STK32A: variants seen among roughly 807,000 people sequenced by gnomAD.
STK32A encodes the protein serine/threonine-protein kinase 32A.
A neutral mutation model predicts 53.2 loss-of-function variants in STK32A; 41 were observed. The observed-to-expected ratio is 0.77, with a 90% CI of 0.60 to 1.00. The LOEUF (loss-of-function observed/expected upper bound fraction) is 1.00, where lower values mean the gene tolerates loss of function less well. Among genes scored for constraint, STK32A ranks in the 50% least tolerant of loss-of-function variants. The probability of loss-of-function intolerance (pLI) is 0.00; values close to 1 mark genes in which losing one functional copy is unlikely to be tolerated. For missense variants in STK32A, 458 were observed against 485.8 expected (o/e 0.94, Z 0.54); for synonymous variants, 166 against 162.8 (o/e 1.02, Z -0.15).
Position 147,351,069 on chromosome 5 carries a change from C to T in STK32A, c.477C>T (p.His159=), listed in dbSNP as rs376422055. ...GTGGTTCTTCTCTCTCTGCAGGGCA[C>T]GTGCACATCACAGATTTCAACATTG... The part of the protein sequence containing the change: ...PDNILLDEHG[H]VHITDFNIAA... The change falls in exon 7 of 13, where the codon CAC becomes CAT. Residue 159 remains histidine, a synonymous_variant. Coordinates refer to ENST00000397936, the MANE Select transcript of STK32A (RefSeq NM_001112724.2). 9.0e-5 allele frequency: 146 copies of T among 1,613,560 alleles called. No homozygotes were observed. The highest frequency in any genetic ancestry group is 1.1e-4 in the Non-Finnish European group (135 of 1,179,670).
At chr5:147,390,832 T>C (rs1198706018), downstream of STK32A, 1 of 152,668 alleles carries the variant, frequency 6.6e-6, no homozygotes, top group Non-Finnish European at 1.5e-5. Flanking sequence ...GTTATTTTAA[T>C]AACCAGGTTT....
At chr5:147,271,591 C>T (rs1042876092) in intron 2 of STK32A, among the ~76,000 whole-genome samples, 3 of 152,142 alleles carry the variant, frequency 2.0e-5, no homozygotes, top group African/African-American at 7.2e-5. Context: ...TCGCTGAATT[C>T]TTTTTCTCAG....
intron 4 of STK32A, among the ~76,000 whole-genome samples, chr5:147,280,133 C>T (rs1295585535): frequency 6.6e-6 from 1 of 152,056 alleles, no homozygotes; most frequent in African/African-American, 2.4e-5. Context: ...CACAAGCAGG[C>T]CATTCCTGCC....
chr5:147,375,892 G>T (rs1199831053), intron 11 of STK32A: 2 of 152,126 alleles, frequency 1.3e-5, no homozygotes, highest in African/African-American at 4.8e-5. Flanking sequence ...TAATGATGAT[G>T]AAGTAATAAA....
At chr5:147,346,486 A>G (rs1367624726) in intron 6 of STK32A, among the ~76,000 whole-genome samples, 4 of 152,218 alleles carry the variant, frequency 2.6e-5, no homozygotes, top group Admixed American at 2.0e-4. Context: ...ATTCATCTGA[A>G]AAGATTGACA....
At chr5:147,393,743 C>T in the STK32A span, 2 of 386,770 alleles carry the variant, frequency 5.2e-6, no homozygotes, top group South Asian at 5.7e-5. Flanking sequence ...TACACACGCT[C>T]TCAACACTAT....
intron 8 of STK32A, among the ~76,000 whole-genome samples, chr5:147,368,195 G>A (rs1249846754): frequency 3.3e-5 from 5 of 152,232 alleles, no homozygotes; most frequent in African/African-American, 1.2e-4. Context: ...ATCCAAAAGT[G>A]TTAACTTAGG....
At chr5:147,341,650 ATT>A (rs375663498) in intron 5 of STK32A, among the ~76,000 whole-genome samples, 1 of 148,196 alleles carries the variant, frequency 6.7e-6, no homozygotes. Flanking sequence ...CCTGGCAAGA[ATT>A]TTTTTTTTTA....
At chr5:147,296,702 C>T (rs1028284768) in intron 4 of STK32A, among the ~76,000 whole-genome samples, 6 of 151,930 alleles carry the variant, frequency 3.9e-5, no homozygotes, top group Non-Finnish European at 7.4e-5. Flanking sequence ...CTTTTCCTGG[C>T]GCCGGCTGCA....
intron 11 of STK32A, among the ~76,000 whole-genome samples, chr5:147,376,409 T>G (rs1356037469): frequency 2.0e-5 from 3 of 152,094 alleles, no homozygotes; most frequent in Non-Finnish European, 4.4e-5. Flanking sequence ...CCAGACTTGC[T>G]CCTTCCCCTG....
chr5:147,325,677 T>C (rs1050618886), intron 5 of STK32A, among the ~76,000 whole-genome samples: 9 of 152,190 alleles, frequency 5.9e-5, no homozygotes, highest in Non-Finnish European at 1.3e-4. Flanking sequence ...GACCAGTTAA[T>C]TACGTAGGAT....
intron 4 of STK32A, among the ~76,000 whole-genome samples, chr5:147,288,462 A>G (rs1268811538): frequency 6.6e-6 from 1 of 152,164 alleles, no homozygotes; most frequent in African/African-American, 2.4e-5. Context: ...GAAATACCTG[A>G]GACTGGGTAA....
chr5:147,292,766 C>A lies in STK32A; in HGVS notation c.260+13368C>A, dbSNP rs190967120. 5.9e-3 allele frequency among the ~76,000 whole-genome samples: 893 copies of A among 152,044 alleles called. 8 individuals carry two copies. Among genetic ancestry groups the A allele is most frequent in the African/African-American group, 0.021 (852 of 41,464 alleles). ...ATCCCAGCTACTCGGGAGGCTGAGG[C>A]AGAAGAATTGCTTGAACCTGGGAGG... On this transcript the variant is annotated intron_variant, in intron 4 of 12. Transcript: ENST00000397936.
chr5:147,362,557 G>T (rs560835187), intron 8 of STK32A, among the ~76,000 whole-genome samples: 2 of 152,154 alleles, frequency 1.3e-5, no homozygotes, highest in East Asian at 3.9e-4. Context: ...ATTTTGAGTG[G>T]GACACAAACA....
the STK32A span, chr5:147,393,730 C>T: frequency 6.2e-6 from 2 of 321,236 alleles, no homozygotes; most frequent in South Asian, 3.9e-5. Flanking sequence ...TAAGATGCAG[C>T]ACTACACACG....
chr5:147,324,253 C>G (rs1754468224), intron 5 of STK32A, among the ~76,000 whole-genome samples, 182 bp downstream of exon 5: 1 of 152,258 alleles, frequency 6.6e-6, no homozygotes, highest in South Asian at 2.1e-4. Flanking sequence ...ACACATAGAG[C>G]TTAATTTGCC....
In STK32A at chr5:147,343,045, T is replaced by C. The variant is rs370645693; in HGVS notation, c.472+2T>C. The stretch of plus-strand genomic sequence containing the variant: ...ACAATATTTTACTTGACGAACATGG[T>C]AAGTGAGTGATTTGTTTGCAATCAA... On this transcript the variant is annotated splice_donor_variant, in intron 6 of 12. Transcript: ENST00000397936. LOFTEE classifies it high-confidence loss of function. 5.0e-5 allele frequency: 81 copies of C among 1,613,334 alleles called. No individual in the cohort carries two copies. Among genetic ancestry groups the C allele is most frequent in the Non-Finnish European group, 6.7e-5 (79 of 1,179,650 alleles).
In STK32A at chr5:147,362,872, C is replaced by T. The variant is rs146256897; in HGVS notation, c.660+1258C>T. Among the ~76,000 whole-genome samples, 5 of 152,222 alleles carry T rather than the reference C, an allele frequency of 3.3e-5. No homozygotes were observed. The East Asian group carries it at 9.7e-4, about 29-fold the overall frequency. On this transcript the variant is annotated intron_variant, in intron 8 of 12. Coordinates refer to ENST00000397936, the MANE Select transcript of STK32A (RefSeq NM_001112724.2). Reference sequence around the variant, plus strand: ...AGGAGGCAGGAGGATTCCTTGAGCCCAGGAGTGTGAGACCAGCCTGGGCCA... The same window carrying T: ...AGGAGGCAGGAGGATTCCTTGAGCCTAGGAGTGTGAGACCAGCCTGGGCCA...
Position 147,341,979 on chromosome 5 carries a change from C to T in STK32A, c.435-1027C>T, listed in dbSNP as rs188755777. Among the ~76,000 whole-genome samples, 14 of 152,130 alleles carry T rather than the reference C, an allele frequency of 9.2e-5. No individual in the cohort carries two copies. The East Asian group carries it at 1.2e-3, about 13-fold the overall frequency. ...GATAGAATGATAGAGTTTGCAAAGC[C>T]TTGGTGAATATTATAGTAAGGAACA... On this transcript the variant is annotated intron_variant, in intron 5 of 12. Transcript: ENST00000397936.
Sources: gnomAD v4.1 joint callset for allele counts (sites outside exome capture counted in the v4.1 genomes callset) on GRCh38, gnomAD v4.1.1 for gene constraint, MANE v1.5 for transcripts, NCBI Gene and HGNC (gene_info 2026-07-23, HGNC 2026-07-21) for gene names.